The following ANKH variants were observed in gnomAD, a reference collection of about 807,000 sequenced individuals.
ANKH encodes the protein ANKH inorganic pyrophosphate transport regulator, also known as mineralization regulator ANKH.
A neutral mutation model predicts 49.0 loss-of-function variants in ANKH; 15 were observed. That is an observed-to-expected ratio of 0.31 (90% CI 0.20 to 0.47). The LOEUF (loss-of-function observed/expected upper bound fraction) is 0.47. ANKH is among the 20% of genes least tolerant of loss of function. The probability of loss-of-function intolerance (pLI) is 1.00; values close to 1 mark genes in which losing one functional copy is unlikely to be tolerated. For synonymous variants in ANKH, 273 were observed against 260.0 expected (o/e 1.05, Z -0.48); for missense variants, 429 against 652.0 (o/e 0.66, Z 3.72).
At position 14,858,429 on chromosome 5, in the gene ANKH, G is replaced by A. The variant is rs535450239; in HGVS notation, c.96+12923C>T. 5.9e-5 allele frequency among the ~76,000 whole-genome samples: 9 copies of A among 152,226 alleles called. No individual in the cohort carries two copies. The South Asian group carries it at 1.9e-3, about 32-fold the overall frequency. ...GTTACAATATTGTTTTAAAATATAC[G>A]CATAGTGCCAGATGTGGTGGCTCTC... On this transcript the variant is annotated intron_variant, in intron 1 of 11. Coordinates refer to ENST00000284268, the MANE Select transcript of ANKH (RefSeq NM_054027.6).
chr5:14,840,517 A>T (rs1427701876), intron 1 of ANKH, among the ~76,000 whole-genome samples: 1 of 152,190 alleles, frequency 6.6e-6, no homozygotes, highest in Non-Finnish European at 1.5e-5. Flanking sequence ...ATTTTACCAT[A>T]TGAGATTTGG....
Position 14,751,148 on chromosome 5 carries a change from A to G in ANKH, c.608T>C (p.Val203Ala). Residue 203 changes from valine to alanine, a missense_variant, in exon 5 of 12, where the codon GTG becomes GCG. Transcript: ENST00000284268. ...GCCCAGGCACAGGGTGGTGCAGCGCACAAGTGCGCCCATGTACAAGGAGAG... is the reference window on the plus strand; with the variant it reads ...GCCCAGGCACAGGGTGGTGCAGCGCGCAAGTGCGCCCATGTACAAGGAGAG... ...PILSLYMGAL[V>A]RCTTLCLGYY... The G allele has an allele frequency of 6.2e-7, 1 of 1,614,250 alleles. No homozygotes were observed. The highest frequency in any genetic ancestry group is 1.1e-5 in the South Asian group (1 of 91,088).
intron 1 of ANKH, among the ~76,000 whole-genome samples, chr5:14,776,806 T>C (rs1036494963): frequency 2.0e-5 from 3 of 152,180 alleles, no homozygotes; most frequent in Non-Finnish European, 4.4e-5. Context: ...TAAACATTCA[T>C]GGGGTTTTCA....
At chr5:14,816,404 T>C (rs74531629) in intron 1 of ANKH, among the ~76,000 whole-genome samples, 2,038 of 152,298 alleles carry the variant, frequency 0.013, 22 homozygotes, top group Non-Finnish European at 0.021. Context: ...GATTTTTTTT[T>C]CCTCACAATC....
At chr5:14,862,118 C>G (rs768838332) in intron 1 of ANKH, among the ~76,000 whole-genome samples, 1 of 152,168 alleles carries the variant, frequency 6.6e-6, no homozygotes, top group African/African-American at 2.4e-5. Context: ...TGCCTCTAAT[C>G]CCAGCTACTC....
At chr5:14,852,384 C>T (rs1157040159) in intron 1 of ANKH, among the ~76,000 whole-genome samples, 2 of 143,682 alleles carry the variant, frequency 1.4e-5, no homozygotes, top group African/African-American at 4.8e-5. Flanking sequence ...GTGCATAGCA[C>T]ATGATTAGGT....
At chr5:14,754,488 C>T (rs1056829090) in intron 4 of ANKH, among the ~76,000 whole-genome samples, 4 of 151,936 alleles carry the variant, frequency 2.6e-5, no homozygotes, top group Non-Finnish European at 5.9e-5. Context: ...AGTTCATCTC[C>T]CATAGGATAC....
At chr5:14,749,087 C>G in intron 6 of ANKH, 85 bp downstream of exon 6, 1 of 1,584,396 alleles carries the variant, frequency 6.3e-7, no homozygotes, top group Non-Finnish European at 8.7e-7. Context: ...TACTTGAGCT[C>G]TCGAGAAGAA....
At chr5:14,867,650 C>T (rs950190190) in intron 1 of ANKH, among the ~76,000 whole-genome samples, 14 of 152,144 alleles carry the variant, frequency 9.2e-5, no homozygotes, top group African/African-American at 3.1e-4. Context: ...AGCTCCGCTT[C>T]CCGGGTTCAC....
intron 11 of ANKH, among the ~76,000 whole-genome samples, chr5:14,712,523 C>T (rs1487103899): frequency 6.6e-6 from 1 of 152,254 alleles, no homozygotes; most frequent in African/African-American, 2.4e-5. Context: ...GTATCACTGT[C>T]CCCTCTCCCA....
At chr5:14,764,698 A>G (rs1271084135) in intron 2 of ANKH, among the ~76,000 whole-genome samples, 2 of 152,238 alleles carry the variant, frequency 1.3e-5, no homozygotes, top group Admixed American at 1.3e-4. Context: ...GGTTTAAATT[A>G]TGGCAAATTA....
Position 14,706,562 on chromosome 5 carries a change from T to G in ANKH, c.*4635A>C, listed in dbSNP as rs1036873430. 4.6e-5 allele frequency: 7 copies of G among 152,234 alleles called. No homozygotes were observed. Among genetic ancestry groups the G allele is most frequent in the Non-Finnish European group, 1.0e-4 (7 of 68,038 alleles). 9.4% of individuals were successfully genotyped at this position (152,234 alleles called of 1,614,324 possible). A position where few individuals can be genotyped will look rare whatever the true frequency, so the allele number is the denominator to read the frequency against. The stretch of plus-strand genomic sequence containing the variant: ...TTGAGATCAGATAGTATACTATATA[T>G]TTGTGACTTTTCTGAGTGGAGTTTG... On this transcript the variant is annotated 3_prime_UTR_variant, in exon 12 of 12. Transcript: ENST00000284268.
intron 1 of ANKH, chr5:14,798,174 T>A: frequency 1.9e-6 from 3 of 1,573,826 alleles, no homozygotes; most frequent in Non-Finnish European, 2.6e-6. Flanking sequence ...AAGATGGTTT[T>A]GTTCATCCGA....
rs137914147 is a variant in ANKH at position 14,770,455 on chromosome 5, T to C, written c.97-1264A>G. Among the ~76,000 whole-genome samples, 21 of 152,292 alleles carry C rather than the reference T, an allele frequency of 1.4e-4. No individual in the cohort carries two copies. The East Asian group carries it at 2.1e-3, about 15-fold the overall frequency. On this transcript the variant is annotated intron_variant, in intron 1 of 11. Transcript: ENST00000284268. This position sits in a 1 kb window ranked among gnomAD's most constrained non-coding sequence, Gnocchi z 4.1. ...GTTTTTTCCTATATATACATACCTA[T>C]GAGAAAGTTTAATTTATAAATTAGG...
intron 1 of ANKH, chr5:14,797,994 T>C: frequency 6.4e-7 from 1 of 1,560,720 alleles, no homozygotes; most frequent in Non-Finnish European, 8.8e-7. Context: ...GATACAAGGG[T>C]TCTGGGGCAT....
rs145110017 is a variant in ANKH at position 14,838,061 on chromosome 5, A to T, written c.96+33291T>A. 6.7e-3 allele frequency among the ~76,000 whole-genome samples: 1,027 copies of T among 152,266 alleles called. 4 individuals are homozygous for T. The highest frequency in any genetic ancestry group is 0.011 in the Non-Finnish European group (737 of 68,018). ...TATCACTCATAGGTGGGAACTGAAC[A>T]ATGAGAACACTTGGACACAGGGTGG... On this transcript the variant is annotated intron_variant, in intron 1 of 11. Transcript: ENST00000284268.
chr5:14,760,158 A>G (rs986604600), intron 2 of ANKH, among the ~76,000 whole-genome samples: 1 of 152,174 alleles, frequency 6.6e-6, no homozygotes, highest in African/African-American at 2.4e-5. Flanking sequence ...CAGGTGTGGT[A>G]GTAGCTGGGC....
chr5:14,832,729 G>A (rs1741539477), intron 1 of ANKH, among the ~76,000 whole-genome samples: 2 of 152,034 alleles, frequency 1.3e-5, no homozygotes, highest in South Asian at 4.2e-4. Flanking sequence ...AGAGTTTGTT[G>A]GGCTGTTACA....
chr5:14,806,282 A>C (rs1166967241), intron 1 of ANKH, among the ~76,000 whole-genome samples: 2 of 151,568 alleles, frequency 1.3e-5, no homozygotes, highest in African/African-American at 4.9e-5. Context: ...CCCCCCAAAA[A>C]AACTCGAAAC....
Sources: gnomAD v4.1 joint callset for allele counts (sites outside exome capture counted in the v4.1 genomes callset) on GRCh38, gnomAD v4.1.1 for gene constraint, Gnocchi (gnomAD v3.1) non-coding constraint, MANE v1.5 for transcripts, NCBI Gene and HGNC (gene_info 2026-07-23, HGNC 2026-07-21) for gene names.